The following SLC22A16 variants were observed in gnomAD, a reference collection of about 807,000 sequenced individuals.
SLC22A16 encodes solute carrier family 22 member 16.
A neutral mutation model predicts 52.9 loss-of-function variants in SLC22A16; 53 were observed. The ratio of observed to expected loss-of-function variants is 1.00; its 90% CI spans 0.80 to 1.26. The LOEUF is 1.26. SLC22A16 is among the 50% of genes most tolerant of loss of function. SLC22A16 has a pLI of 0.00. For missense variants in SLC22A16, 726 were observed against 704.0 expected (o/e 1.03, Z -0.35); for synonymous variants, 291 against 268.8 (o/e 1.08, Z -0.81).
intron 5 of SLC22A16, 106 bp downstream of exon 5, chr6:110,438,614 C>T: frequency 8.1e-7 from 1 of 1,229,558 alleles, no homozygotes. Context: ...ATACTCTGCC[C>T]AAATCATACT....
intron 1 of SLC22A16, among the ~76,000 whole-genome samples, chr6:110,458,485 A>C (rs1409699068): frequency 2.6e-5 from 4 of 152,358 alleles, no homozygotes; most frequent in South Asian, 2.1e-4. Context: ...AAGCTGAAAC[A>C]ATTTGAGCAA....
At chr6:110,468,578 G>A (rs979687675) in intron 1 of SLC22A16, among the ~76,000 whole-genome samples, 3 of 151,346 alleles carry the variant, frequency 2.0e-5, no homozygotes, top group African/African-American at 4.9e-5. Context: ...TCTGGGAGGC[G>A]GAGGTTTCAG....
intron 1 of SLC22A16, among the ~76,000 whole-genome samples, chr6:110,471,996 G>T (rs1214202692): frequency 6.6e-6 from 1 of 152,080 alleles, no homozygotes; most frequent in Non-Finnish European, 1.5e-5. Flanking sequence ...TATTGACAAG[G>T]GGGCATTTTC....
intron 7 of SLC22A16, chr6:110,425,309 G>A (rs1416269287): frequency 6.7e-7 from 1 of 1,482,274 alleles, no homozygotes; most frequent in Non-Finnish European, 9.1e-7. Flanking sequence ...ATTCCTTCAT[G>A]ACCCACCATG....
chr6:110,468,831 C>T (rs931435080), intron 1 of SLC22A16, among the ~76,000 whole-genome samples: 2 of 152,114 alleles, frequency 1.3e-5, no homozygotes, highest in Non-Finnish European at 2.9e-5. Context: ...GTGGTGCTGA[C>T]CCTCACACCT....
At position 110,442,740 on chromosome 6, in the gene SLC22A16, A is replaced by G; in HGVS notation, c.687T>C (p.Tyr229=). The G allele has an allele frequency of 6.2e-7, 1 of 1,614,098 alleles. No homozygotes were observed. The highest frequency in any genetic ancestry group is 8.5e-7 in the Non-Finnish European group (1 of 1,179,990). ...ASGYLVVGFV[Y]VMEFIGMKSR... is the part of the protein sequence containing the mutation. ...ACTTCATGCCAATGAATTCCATCAC[A>G]TAGACAAACCCCACCACAAGATAGC... The change falls in exon 4 of 8, where the codon TAT becomes TAC. Residue 229 remains tyrosine (Y), a synonymous_variant. Coordinates refer to ENST00000368919, the MANE Select transcript of SLC22A16 (RefSeq NM_033125.4).
chr6:110,427,496 G>A (rs991626929), intron 7 of SLC22A16, among the ~76,000 whole-genome samples: 16 of 152,156 alleles, frequency 1.1e-4, no homozygotes, highest in Non-Finnish European at 2.9e-5. Context: ...TTAGAACAGC[G>A]CCTGGCTGCA....
At chr6:110,453,274 G>A (rs1449986592) in intron 2 of SLC22A16, among the ~76,000 whole-genome samples, 6 of 152,142 alleles carry the variant, frequency 3.9e-5, no homozygotes, top group Admixed American at 2.0e-4. Flanking sequence ...TTGTGCAGAA[G>A]TCTGCTTCTG....
chr6:110,431,202 T>A lies in SLC22A16; in HGVS notation c.1490A>T (p.Asp497Val), dbSNP rs1774486708. 1.9e-6 allele frequency: 3 copies of A among 1,613,616 alleles called. No individual in the cohort carries two copies. Among genetic ancestry groups the A allele is most frequent in the East Asian group, 4.5e-5 (2 of 44,862 alleles). ...TATGAAGATCCAAATGCTGCTGAGG[T>A]CCACAGAGAACGGCGCCAGGATGCT... ...LASILAPFSV[D>V]LSSIWIFIPQ... Residue 497 changes from aspartate to valine, a missense_variant, in exon 7 of 8, where the codon GAC becomes GTC. By Grantham distance (152) the Asp-to-Val change is radical. Transcript: ENST00000368919.
intron 3 of SLC22A16, among the ~76,000 whole-genome samples, chr6:110,445,212 G>A (rs1472075316): frequency 6.6e-6 from 1 of 151,952 alleles, no homozygotes; most frequent in Non-Finnish European, 1.5e-5. Context: ...TCATCAATGC[G>A]TCTCTCCTCC....
At chr6:110,425,707 T>C (rs1254907421) in intron 7 of SLC22A16, among the ~76,000 whole-genome samples, 1 of 152,268 alleles carries the variant, frequency 6.6e-6, no homozygotes, top group Non-Finnish European at 1.5e-5. Context: ...TTTCCAGATT[T>C]TGACACATAA....
In SLC22A16 at chr6:110,442,597, A is replaced by G; in HGVS notation, c.830T>C (p.Val277Ala). Residue 277 changes from valine (V) to alanine (A), a missense_variant, in exon 4 of 8, where the codon GTG becomes GCG. By Grantham distance (64) the Val-to-Ala change is moderately conservative (BLOSUM62 0). Coordinates refer to ENST00000368919, the MANE Select transcript of SLC22A16 (RefSeq NM_033125.4). Reference sequence around the variant, plus strand: ...ACAGCACAGGATAAAGGGGACAGTCACTGTGGAGAGGATCATCTGGTAAAG... The same window carrying G: ...ACAGCACAGGATAAAGGGGACAGTCGCTGTGGAGAGGATCATCTGGTAAAG... ...WWLYQMILST[V>A]TVPFILCCWV... is the part of the protein sequence containing the mutation. The G allele has an allele frequency of 6.2e-7, 1 of 1,614,214 alleles. No homozygotes were observed.
At chr6:110,457,065 A>G in intron 1 of SLC22A16, 48 bp from the exon 2 acceptor site, 1 of 1,496,556 alleles carries the variant, frequency 6.7e-7, no homozygotes, top group Non-Finnish European at 8.9e-7. Flanking sequence ...ATAGGCTGAA[A>G]AAGAACATAA....
intron 2 of SLC22A16, chr6:110,453,523 C>T (rs1327991127): frequency 4.6e-6 from 2 of 430,990 alleles, no homozygotes; most frequent in South Asian, 1.7e-5. Flanking sequence ...AACTTCATTA[C>T]TTACTTCGTT....
chr6:110,456,093 TG>T, intron 2 of SLC22A16: 1 of 156,172 alleles, frequency 6.4e-6, no homozygotes, highest in African/African-American at 2.4e-5. Flanking sequence ...ACAGATATAC[TG>T]CTTAGGATCA....
intron 5 of SLC22A16, among the ~76,000 whole-genome samples, chr6:110,436,566 C>T (rs192839105): frequency 7.2e-5 from 11 of 152,194 alleles, no homozygotes; most frequent in Admixed American, 3.9e-4. Flanking sequence ...TTCAAGATTA[C>T]GGAGGGCTAT....
intron 3 of SLC22A16, among the ~76,000 whole-genome samples, chr6:110,446,523 A>G (rs1775178097): frequency 6.6e-6 from 1 of 152,192 alleles, no homozygotes; most frequent in Non-Finnish European, 1.5e-5. Flanking sequence ...ACATTATACA[A>G]GTGACTTTAA....
chr6:110,470,839 C>T (rs910530058), intron 1 of SLC22A16, among the ~76,000 whole-genome samples: 1 of 152,178 alleles, frequency 6.6e-6, no homozygotes, highest in Admixed American at 6.5e-5. Flanking sequence ...TTAGGAGATG[C>T]TGATACGGAT....
intron 2 of SLC22A16, among the ~76,000 whole-genome samples, chr6:110,450,593 C>CA (rs1446020407): frequency 9.0e-6 from 1 of 110,974 alleles, no homozygotes; most frequent in Non-Finnish European, 1.6e-5. Flanking sequence ...GCCTGGGCAA[C>CA]AGAGCTAGAC....
Sources: gnomAD v4.1 joint callset for allele counts (sites outside exome capture counted in the v4.1 genomes callset) on GRCh38, gnomAD v4.1.1 for gene constraint, MANE v1.5 for transcripts, NCBI Gene and HGNC (gene_info 2026-07-23, HGNC 2026-07-21) for gene names.